TRHDE: variants seen among roughly 807,000 people sequenced by gnomAD.
TRHDE encodes thyrotropin releasing hormone degrading enzyme, also known as thyrotropin-releasing hormone-degrading ectoenzyme.
TRHDE carries 72 observed loss-of-function variants against 125.7 expected under a neutral mutation model. The ratio of observed to expected loss-of-function variants is 0.57; its 90% CI spans 0.47 to 0.70. The LOEUF is 0.70. Ranked by LOEUF, TRHDE falls within the 30% of genes least tolerant of loss-of-function variation. The probability of loss-of-function intolerance (pLI) is 0.00; values close to 1 mark genes in which losing one functional copy is unlikely to be tolerated. For synonymous variants in TRHDE, 509 were observed against 509.1 expected (o/e 1.00, Z 0.00); for missense variants, 1,110 against 1,327.1 (o/e 0.84, Z 2.54).
chr12:72,206,214 G>A (rs1877662419), intron 2 of TRHDE, among the ~76,000 whole-genome samples: 1 of 151,680 alleles, frequency 6.6e-6, no homozygotes, highest in African/African-American at 2.4e-5. Context: ...AGCCTCCCAA[G>A]TAGCTGGGAT....
intron 2 of TRHDE, among the ~76,000 whole-genome samples, chr12:72,226,981 T>A (rs1878140998): frequency 6.6e-6 from 1 of 152,162 alleles, no homozygotes; most frequent in Non-Finnish European, 1.5e-5. Flanking sequence ...AAAGCACCCT[T>A]AGTTGCCAGG....
intron 6 of TRHDE, among the ~76,000 whole-genome samples, chr12:72,525,630 TGTGTGAGAGAGAGA>T (rs1214751945): frequency 6.7e-6 from 1 of 148,368 alleles, no homozygotes; most frequent in Non-Finnish European, 1.5e-5. Flanking sequence ...TGTGTGTGTG[TGTGTGAGAGAGAGA>T]GAGAGAGAGA....
At chr12:72,472,064 T>C (rs1383715287) in intron 4 of TRHDE, among the ~76,000 whole-genome samples, 1 of 152,226 alleles carries the variant, frequency 6.6e-6, no homozygotes, top group African/African-American at 2.4e-5. Flanking sequence ...AGCTCAAATG[T>C]CACTTGCTTA....
intron 3 of TRHDE, among the ~76,000 whole-genome samples, chr12:72,409,044 A>G (rs1050107597): frequency 1.3e-5 from 2 of 152,192 alleles, no homozygotes; most frequent in African/African-American, 4.8e-5. Flanking sequence ...GATGCCCAAC[A>G]AATCTCAAGC....
chr12:72,333,880 G>A (rs1227710784), intron 2 of TRHDE, among the ~76,000 whole-genome samples: 1 of 152,124 alleles, frequency 6.6e-6, no homozygotes, highest in East Asian at 1.9e-4. Flanking sequence ...GCATTATTAT[G>A]CTGAATAATT....
intron 2 of TRHDE, among the ~76,000 whole-genome samples, chr12:72,242,547 C>T (rs1360807745): frequency 6.6e-6 from 1 of 152,098 alleles, no homozygotes; most frequent in Non-Finnish European, 1.5e-5. Flanking sequence ...GTGCTGCTGC[C>T]ATGACTGTTG....
At chr12:72,440,274 C>G (rs1874940486) in intron 3 of TRHDE, among the ~76,000 whole-genome samples, 1 of 151,630 alleles carries the variant, frequency 6.6e-6, no homozygotes. Flanking sequence ...CTCTTGTATT[C>G]TAATTTTTTG....
intron 3 of TRHDE, among the ~76,000 whole-genome samples, chr12:72,387,454 AC>A (rs1249065398): frequency 2.0e-5 from 3 of 151,990 alleles, no homozygotes; most frequent in African/African-American, 7.3e-5. Context: ...CATTCCAACC[AC>A]CATACTCTTT....
intron 3 of TRHDE, among the ~76,000 whole-genome samples, chr12:72,404,556 G>A (rs570461163): frequency 6.6e-6 from 1 of 152,310 alleles, no homozygotes; most frequent in South Asian, 2.1e-4. Flanking sequence ...TCACAATCAT[G>A]GCAGAAGGTG....
At chr12:72,283,896 T>C (rs1879784133) in intron 1 of TRHDE, among the ~76,000 whole-genome samples, 1 of 151,640 alleles carries the variant, frequency 6.6e-6, no homozygotes, top group South Asian at 2.1e-4. Context: ...GGAAATATTA[T>C]ACATATATAT....
At chr12:72,373,991 A>G (rs1335542016) in intron 2 of TRHDE, among the ~76,000 whole-genome samples, 1 of 152,156 alleles carries the variant, frequency 6.6e-6, no homozygotes, top group Non-Finnish European at 1.5e-5. Flanking sequence ...GGTTTTGATT[A>G]CTGTATACAT....
At chr12:72,605,751 GAGA>G (rs1252332313) in intron 12 of TRHDE, among the ~76,000 whole-genome samples, 3 of 152,050 alleles carry the variant, frequency 2.0e-5, no homozygotes, top group Non-Finnish European at 4.4e-5. Flanking sequence ...ACTAAGATGA[GAGA>G]AGGTGAAAAT....
At chr12:72,295,498 T>A (rs1366435099) in intron 2 of TRHDE, among the ~76,000 whole-genome samples, 1 of 152,150 alleles carries the variant, frequency 6.6e-6, no homozygotes, top group Non-Finnish European at 1.5e-5. Context: ...AAAAAACTGC[T>A]ACAGGTACTC....
At chr12:72,178,510 T>G (rs1276090013) in intron 2 of TRHDE, among the ~76,000 whole-genome samples, 1 of 152,128 alleles carries the variant, frequency 6.6e-6, no homozygotes, top group Non-Finnish European at 1.5e-5. Flanking sequence ...ATAACTGTTT[T>G]ACTAACTAGA....
At chr12:72,348,415 C>T (rs183402790) in intron 2 of TRHDE, among the ~76,000 whole-genome samples, 1 of 151,938 alleles carries the variant, frequency 6.6e-6, no homozygotes, top group African/African-American at 2.4e-5. Context: ...TGACAGTGGC[C>T]TTGATCTTTT....
At chr12:72,490,810 G>A (rs2135925841) in intron 5 of TRHDE, among the ~76,000 whole-genome samples, 1 of 150,930 alleles carries the variant, frequency 6.6e-6, no homozygotes, top group Middle Eastern at 3.4e-3. Flanking sequence ...AGAAAGCAGT[G>A]GATACAGGTG....
At chr12:72,632,541 C>T (rs1487412653) in intron 15 of TRHDE, among the ~76,000 whole-genome samples, 2 of 151,796 alleles carry the variant, frequency 1.3e-5, no homozygotes, top group East Asian at 3.9e-4. Flanking sequence ...GCTCTTAGAG[C>T]TATTTATATT....
intron 3 of TRHDE, among the ~76,000 whole-genome samples, chr12:72,427,701 G>A (rs1242534777): frequency 6.6e-6 from 1 of 152,104 alleles, no homozygotes; most frequent in Admixed American, 6.6e-5. Flanking sequence ...GATAACATAA[G>A]GGGAACATAC....
At chr12:72,573,278 T>G (rs1159513329) in intron 10 of TRHDE, among the ~76,000 whole-genome samples, 1 of 151,968 alleles carries the variant, frequency 6.6e-6, no homozygotes, top group East Asian at 1.9e-4. Flanking sequence ...TCTCGTTTAT[T>G]TATGTAGTCA....
Sources: gnomAD v4.1 joint callset for allele counts (sites outside exome capture counted in the v4.1 genomes callset) on GRCh38, gnomAD v4.1.1 for gene constraint, MANE v1.5 for transcripts, NCBI Gene and HGNC (gene_info 2026-07-23, HGNC 2026-07-21) for gene names.